Variants in FGF9 observed in about 807,000 individuals in gnomAD.
The protein encoded by FGF9 is fibroblast growth factor 9, also known as fibroblast growth factor 9 (glia-activating factor).
Under a neutral mutation model 19.9 loss-of-function variants are expected in FGF9, and 3 were observed. The observed-to-expected ratio is 0.15, with a 90% CI of 0.07 to 0.39. FGF9 has a LOEUF of 0.39. FGF9 is among the 10% of genes least tolerant of loss of function. The pLI is 1.00. For missense variants in FGF9, 175 were observed against 256.8 expected (o/e 0.68, Z 2.18); for synonymous variants, 107 against 106.9 (o/e 1.00, Z -0.01).
At chr13:21,676,922 CA>C (rs1041650145) in intron 1 of FGF9, among the ~76,000 whole-genome samples, 4 of 152,176 alleles carry the variant, frequency 2.6e-5, no homozygotes, top group African/African-American at 9.7e-5. Flanking sequence ...AGAACTGGGG[CA>C]GCCCATCAGC....
At chr13:21,675,506 C>A (rs1593090376) in intron 1 of FGF9, among the ~76,000 whole-genome samples, 1 of 151,776 alleles carries the variant, frequency 6.6e-6, no homozygotes, top group South Asian at 2.1e-4. Context: ...CGGGAGGGGG[C>A]GAGGGGGCTG....
intron 2 of FGF9, among the ~76,000 whole-genome samples, chr13:21,682,838 A>G (rs566319060): frequency 6.6e-6 from 1 of 152,020 alleles, no homozygotes. Flanking sequence ...AGTGGCCTCC[A>G]AATTTTTTGA....
At chr13:21,683,617 A>G (rs1461303400) in intron 2 of FGF9, among the ~76,000 whole-genome samples, 1 of 152,190 alleles carries the variant, frequency 6.6e-6, no homozygotes, top group African/African-American at 2.4e-5. Flanking sequence ...GCAATGAAAG[A>G]AAGGGTAAAA....
Position 21,672,209 on chromosome 13 carries a change from T to A in FGF9, c.277+20T>A. 6.2e-7 allele frequency: 1 copy of A among 1,613,868 alleles called. No individual in the cohort carries two copies. Among genetic ancestry groups the A allele is most frequent in the Admixed American group, 1.7e-5 (1 of 60,036 alleles). ...GATTTGGTAGGTATACCATTAACCC[T>A]TTAGTGTCCATGAGATGACATGTTG... is the stretch of plus-strand genomic sequence containing the variant. On this transcript the variant is annotated intron_variant, in intron 1 of 2. Coordinates refer to ENST00000382353, the MANE Select transcript of FGF9 (RefSeq NM_002010.3). This position sits in a 1 kb window ranked among gnomAD's most constrained non-coding sequence, Gnocchi z 4.2.
intron 2 of FGF9, among the ~76,000 whole-genome samples, chr13:21,688,508 C>T (rs759731099): frequency 1.9e-4 from 29 of 152,102 alleles, no homozygotes; most frequent in Non-Finnish European, 3.2e-4. Flanking sequence ...GTTTTAGAGA[C>T]GAGGAGGTGA....
At chr13:21,679,171 TA>T (rs1871982714) in intron 1 of FGF9, among the ~76,000 whole-genome samples, 1 of 152,216 alleles carries the variant, frequency 6.6e-6, no homozygotes, top group Non-Finnish European at 1.5e-5. Context: ...ACACAATTTG[TA>T]ATTTCACTTT....
chr13:21,673,691 G>A (rs1871828446), intron 1 of FGF9, among the ~76,000 whole-genome samples: 2 of 151,954 alleles, frequency 1.3e-5, no homozygotes, highest in South Asian at 4.1e-4. Flanking sequence ...AACAGGCAGT[G>A]GGCGGCCCTG....
At chr13:21,695,779 G>A (rs1417990646) in intron 2 of FGF9, among the ~76,000 whole-genome samples, 1 of 152,148 alleles carries the variant, frequency 6.6e-6, no homozygotes, top group Admixed American at 6.5e-5. Context: ...TGATTACATT[G>A]AAGTCATTAA....
At chr13:21,675,834 G>T (rs1871902531) in intron 1 of FGF9, among the ~76,000 whole-genome samples, 2 of 152,140 alleles carry the variant, frequency 1.3e-5, no homozygotes, top group African/African-American at 4.8e-5. Flanking sequence ...TGACACAGCA[G>T]CAGCAGTGCA....
In FGF9 at chr13:21,701,535, A is replaced by G; in HGVS notation, c.*100A>G. ...TTCGCTGTGTCATCACATCAGCTCC[A>G]CTGTTGCCAAACTTTGTCGCATGCA... On this transcript the variant is annotated 3_prime_UTR_variant, in exon 3 of 3. Coordinates refer to ENST00000382353, the MANE Select transcript of FGF9 (RefSeq NM_002010.3). 3.3e-6 allele frequency: 5 copies of G among 1,531,260 alleles called. No homozygotes were observed. The highest frequency in any genetic ancestry group is 2.3e-5 in the South Asian group (2 of 88,284). The allele number at this position is 1,531,260 out of a possible 1,614,324, so 94.9% of individuals were successfully genotyped here.
intron 2 of FGF9, among the ~76,000 whole-genome samples, chr13:21,693,333 C>T (rs1333348533): frequency 6.6e-6 from 1 of 152,024 alleles, no homozygotes; most frequent in Non-Finnish European, 1.5e-5. Flanking sequence ...ACAGCCTCAT[C>T]TCCCTTGCAT....
At chr13:21,676,006 T>C (rs1260721928) in intron 1 of FGF9, among the ~76,000 whole-genome samples, 2 of 152,002 alleles carry the variant, frequency 1.3e-5, no homozygotes, top group Non-Finnish European at 1.5e-5. Context: ...ATTGTATCTC[T>C]GTGCAGTAGG....
chr13:21,686,892 G>T (rs1872175746), intron 2 of FGF9, among the ~76,000 whole-genome samples: 1 of 152,202 alleles, frequency 6.6e-6, no homozygotes, highest in South Asian at 2.1e-4. Flanking sequence ...CTGAAAATGA[G>T]AGAGGTTAAG....
At chr13:21,693,764 G>A (rs1872345473) in intron 2 of FGF9, among the ~76,000 whole-genome samples, 1 of 152,080 alleles carries the variant, frequency 6.6e-6, no homozygotes, top group South Asian at 2.1e-4. Flanking sequence ...GTGGTCTCCC[G>A]GGGAAGAGAA....
chr13:21,680,612 C>T (rs1872020064), intron 1 of FGF9, among the ~76,000 whole-genome samples: 1 of 152,148 alleles, frequency 6.6e-6, no homozygotes, highest in Non-Finnish European at 1.5e-5. Flanking sequence ...AGCGAATGGT[C>T]TTATGTCTCT....
chr13:21,690,958 GTTAA>G (rs1186844721), intron 2 of FGF9, among the ~76,000 whole-genome samples: 2 of 152,200 alleles, frequency 1.3e-5, no homozygotes, highest in African/African-American at 4.8e-5. Flanking sequence ...TGAGTTTGAT[GTTAA>G]TTAATCAGCA....
chr13:21,688,053 A>G (rs893625756), intron 2 of FGF9, among the ~76,000 whole-genome samples: 1 of 152,174 alleles, frequency 6.6e-6, no homozygotes, highest in African/African-American at 2.4e-5. Context: ...TTGGGGACGG[A>G]GGCCAACCCA....
chr13:21,690,538 C>T (rs1363187446), intron 2 of FGF9, among the ~76,000 whole-genome samples: 1 of 152,224 alleles, frequency 6.6e-6, no homozygotes, highest in African/African-American at 2.4e-5. Context: ...ACTAATAATG[C>T]ATGCTGGGTG....
At position 21,702,762 on chromosome 13, in the gene FGF9, T is replaced by C. The variant is rs1051557769; in HGVS notation, c.*1327T>C. 6.6e-6 allele frequency: 1 copy of C among 152,216 alleles called. No individual in the cohort carries two copies. Among genetic ancestry groups the C allele is most frequent in the Non-Finnish European group, 1.5e-5 (1 of 68,026 alleles). The allele number at this position is 152,216 out of a possible 1,614,324, so 9.4% of individuals were successfully genotyped here. A position where few individuals can be genotyped will look rare whatever the true frequency, so the allele number is the denominator to read the frequency against. On this transcript the variant is annotated 3_prime_UTR_variant, in exon 3 of 3. Transcript: ENST00000382353. ...ATCTTTTAGAGAAAATGGCTATCAG[T>C]GTGAACTGTCATAATTACGTGGTAA... is the stretch of plus-strand genomic sequence containing the variant.
Sources: gnomAD v4.1 joint callset for allele counts (sites outside exome capture counted in the v4.1 genomes callset) on GRCh38, gnomAD v4.1.1 for gene constraint, Gnocchi (gnomAD v3.1) non-coding constraint, MANE v1.5 for transcripts, NCBI Gene and HGNC (gene_info 2026-07-23, HGNC 2026-07-21) for gene names.